The following ABCA4 variants were observed in gnomAD, a reference collection of about 807,000 sequenced individuals.
ABCA4 encodes the protein ATP binding cassette subfamily A member 4.
In ABCA4, 196 loss-of-function variants were observed where a neutral mutation model predicts 263.7. The observed-to-expected ratio is 0.74, with a 90% CI of 0.66 to 0.84. The LOEUF is 0.84. Ranked by LOEUF, ABCA4 falls within the 40% of genes least tolerant of loss-of-function variation. ABCA4 has a pLI of 0.00. For synonymous variants in ABCA4, 1,133 were observed against 1,094.2 expected, an observed-to-expected ratio of 1.04 and a Z score of -0.70; for missense variants, 2,792 against 2,855.1, an observed-to-expected ratio of 0.98 and a Z score of 0.50.
intron 6 of ABCA4, among the ~76,000 whole-genome samples, chr1:94,089,521 G>A (rs1014612892): frequency 2.0e-5 from 3 of 150,074 alleles, no homozygotes; most frequent in African/African-American, 4.9e-5. Context: ...AGGTGGGAGT[G>A]CAGTGGCACG....
chr1:94,025,053 G>C lies in ABCA4; in HGVS notation c.4540-5C>G, dbSNP rs1476415689. ...TTCCGTGCTGCGCTGTGTTCTCTGA[G>C]GCAATGAGACACCCACGTTAATTAC... On this transcript the variant is annotated splice_region_variant and splice_polypyrimidine_tract_variant and intron_variant, in intron 30 of 49. Transcript: ENST00000370225. 9 of 1,613,282 alleles carry C rather than the reference G, an allele frequency of 5.6e-6. No individual in the cohort carries two copies. The highest frequency in any genetic ancestry group is 7.6e-6 in the Non-Finnish European group (9 of 1,179,208).
At chr1:94,002,107 G>T in intron 44 of ABCA4, 115 bp from the exon 45 acceptor site, 3 of 1,477,078 alleles carry the variant, frequency 2.0e-6, no homozygotes, top group African/African-American at 2.8e-5. Context: ...TCCCCAGCTA[G>T]GCTGAAACAG....
At chr1:94,055,052 G>A (rs1392839679) in intron 16 of ABCA4, 59 bp downstream of exon 16, 5 of 1,463,052 alleles carry the variant, frequency 3.4e-6, no homozygotes, top group Middle Eastern at 1.7e-4. Flanking sequence ...TAGATGAATG[G>A]AGAGGGCTGG....
At chr1:94,116,300 C>G (rs78701829) in intron 1 of ABCA4, among the ~76,000 whole-genome samples, 1 of 152,026 alleles carries the variant, frequency 6.6e-6, no homozygotes, top group African/African-American at 2.4e-5. Context: ...AATCATCACC[C>G]CTGTTGATTA....
intron 6 of ABCA4, among the ~76,000 whole-genome samples, chr1:94,084,554 C>T (rs1422355572): frequency 6.6e-6 from 1 of 152,166 alleles, no homozygotes; most frequent in Non-Finnish European, 1.5e-5. Flanking sequence ...CTTTTTGACC[C>T]TGAAACTCTA....
chr1:94,051,746 T>A, intron 16 of ABCA4, 48 bp from the exon 17 acceptor site: 2 of 1,415,402 alleles, frequency 1.4e-6, no homozygotes, highest in Non-Finnish European at 2.0e-6. Context: ...AGTCTCCCTA[T>A]CCTACCTTAC....
rs149780335 is a variant in ABCA4 at position 94,098,886 on chromosome 1, G to T, written c.676C>A (p.Arg226Ser). Residue 226 changes from arginine (R) to serine (S), a missense_variant, in exon 6 of 50, where the codon CGC (arginine) becomes AGC (serine). Transcript: ENST00000370225. Reference protein sequence around the residue: ...FSQRRGAKTVRYALCSLSQGT... With the variant: ...FSQRRGAKTVSYALCSLSQGT... Reference sequence around the variant, plus strand: ...TGGGAGAGGGAGCACAGGGCATAGCGCACCGTCTTTGCCCCGCGTCTCTGG... The same window carrying T: ...TGGGAGAGGGAGCACAGGGCATAGCTCACCGTCTTTGCCCCGCGTCTCTGG... 41 of 1,613,900 alleles carry T rather than the reference G, an allele frequency of 2.5e-5. 1 individual carries two copies. Among genetic ancestry groups the T allele is most frequent in the Non-Finnish European group, 3.2e-5 (38 of 1,180,002 alleles).
chr1:94,001,720 A>T, intron 45 of ABCA4, 138 bp downstream of exon 45: 1 of 1,291,414 alleles, frequency 7.7e-7, no homozygotes, highest in Non-Finnish European at 1.1e-6. Context: ...ATCGCTCAAA[A>T]TGAGCAACAC....
Position 94,080,390 on chromosome 1 carries a change from C to T in ABCA4, c.1099+88G>A, listed in dbSNP as rs111298269. 3.2e-5 allele frequency: 50 copies of T among 1,570,026 alleles called. 2 individuals are homozygous for T. In the African/African-American group the frequency reaches 4.1e-4, roughly 13 times the overall value. On this transcript the variant is annotated intron_variant, in intron 8 of 49. Coordinates refer to ENST00000370225, the MANE Select transcript of ABCA4 (RefSeq NM_000350.3). ...ACTCAGCAAGACAAGACAGATGCAA[C>T]CCCAGGTTTGGTTTCACCTAGAAGT...
chr1:94,034,727 T>G (rs1660296657), intron 26 of ABCA4, among the ~76,000 whole-genome samples: 1 of 151,646 alleles, frequency 6.6e-6, no homozygotes, highest in Non-Finnish European at 1.5e-5. Flanking sequence ...CTCTGTGAGC[T>G]CAGTTCCCCC....
intron 36 of ABCA4, chr1:94,019,309 G>T (rs1659829084): frequency 2.4e-6 from 1 of 409,092 alleles, no homozygotes; most frequent in Admixed American, 3.7e-5. Context: ...TTATTTGATG[G>T]GTCAGAAGAC....
chr1:94,083,053 A>G (rs777030941), intron 7 of ABCA4, among the ~76,000 whole-genome samples: 1 of 152,232 alleles, frequency 6.6e-6, no homozygotes. Flanking sequence ...TCAGTACTGA[A>G]AAGACTTAGA....
rs1571263923 is a variant in ABCA4, at chr1:94,030,331, T to C, written c.4352+97A>G. The C allele has an allele frequency of 6.8e-6, 7 of 1,026,328 alleles. No individual in the cohort carries two copies. In the Admixed American group the frequency reaches 7.3e-5, roughly 11 times the overall value. The allele number at this position is 1,026,328 out of a possible 1,614,324, so 63.6% of individuals were successfully genotyped here. A position where few individuals can be genotyped will look rare whatever the true frequency, so the allele number is the denominator to read the frequency against. On this transcript the variant is annotated intron_variant, in intron 29 of 49. Coordinates refer to ENST00000370225, the MANE Select transcript of ABCA4 (RefSeq NM_000350.3). ...CATGGAAGTGACCAGCAGAGCAGGATTGAGTGGGGCCTCCCCAACGCCTGC... is the reference window on the plus strand; with the variant it reads ...CATGGAAGTGACCAGCAGAGCAGGACTGAGTGGGGCCTCCCCAACGCCTGC...
chr1:94,089,056 C>T (rs1337595089), intron 6 of ABCA4, among the ~76,000 whole-genome samples: 1 of 152,194 alleles, frequency 6.6e-6, no homozygotes, highest in Non-Finnish European at 1.5e-5. Flanking sequence ...TCTGCAGGCC[C>T]CAGGCACACT....
At chr1:94,064,825 C>G (rs1479409193) in intron 11 of ABCA4, among the ~76,000 whole-genome samples, 1 of 152,068 alleles carries the variant, frequency 6.6e-6, no homozygotes, top group Non-Finnish European at 1.5e-5. Flanking sequence ...GCTTTCAGTG[C>G]TAAGACCAGG....
At position 94,120,404 on chromosome 1, in the gene ABCA4, G is replaced by GT. The variant is rs1662916536; in HGVS notation, c.66+575dup. On this transcript the variant is annotated intron_variant, in intron 1 of 49. Coordinates refer to ENST00000370225, the MANE Select transcript of ABCA4 (RefSeq NM_000350.3). ...TGCATCTCACAGAATCTAGGACGCA[G>GT]TCAATTGTAAGACACACTGTTACTT... Among the ~76,000 whole-genome samples, 3 of 152,220 alleles carry GT rather than the reference G, an allele frequency of 2.0e-5. No homozygotes were observed. In the South Asian group the frequency reaches 6.2e-4, roughly 31 times the overall value.
In ABCA4 at chr1:93,997,906, G is replaced by A. The variant is rs1427094702; in HGVS notation, c.6684C>T (p.Ser2228=). 1.2e-6 allele frequency: 2 copies of A among 1,614,008 alleles called. No individual in the cohort carries two copies. The highest frequency in any genetic ancestry group is 1.7e-6 in the Non-Finnish European group (2 of 1,180,016). Residue 2228 remains serine, a synonymous_variant, in exon 48 of 50, where the codon AGC becomes AGT. Coordinates refer to ENST00000370225, the MANE Select transcript of ABCA4 (RefSeq NM_000350.3). ...IFQLLLSHKD[S]LLIEEYSVTQ... ...TGACTGAGTACTCCTCGATGAGCAG[G>A]CTGTCCTTGTGGGAGAGGAGGAGCT...
Position 94,008,296 on chromosome 1 carries a change from A to G in ABCA4, c.5837T>C (p.Ile1946Thr), listed in dbSNP as rs767141052. The G allele has an allele frequency of 2.5e-6, 4 of 1,613,982 alleles. No individual in the cohort carries two copies. The highest frequency in any genetic ancestry group is 2.5e-6 in the Non-Finnish European group (3 of 1,179,972). ...TGCTGGGCTGGAGGTGCCTGGATAA[A>G]TCTGCAAGATACGAAGAAACCGGAC... ...DILRLHELTKIYPGTSSPAVD... is the reference protein window; with the variant it reads ...DILRLHELTKTYPGTSSPAVD... The change falls in exon 42 of 50, where the codon ATT (isoleucine) becomes ACT (threonine). Residue 1946 changes from isoleucine (I) to threonine (T), a missense_variant and splice_region_variant. Physicochemically the swap from Ile to Thr is moderately conservative, Grantham distance 89. Transcript: ENST00000370225.
intron 41 of ABCA4, 104 bp from the exon 42 acceptor site, chr1:94,008,401 A>T: frequency 8.5e-7 from 1 of 1,174,726 alleles, no homozygotes; most frequent in Non-Finnish European, 1.3e-6. Context: ...AACTACCAGC[A>T]CTAGGAGGTT....
Sources: gnomAD v4.1 joint callset for allele counts (sites outside exome capture counted in the v4.1 genomes callset) on GRCh38, gnomAD v4.1.1 for gene constraint, MANE v1.5 for transcripts, NCBI Gene and HGNC (gene_info 2026-07-23, HGNC 2026-07-21) for gene names.